KCNQ1: variants seen among roughly 807,000 people sequenced by gnomAD.
The protein encoded by KCNQ1 is potassium voltage-gated channel subfamily Q member 1.
In KCNQ1, 49 loss-of-function variants were observed where a neutral mutation model predicts 72.4. That is an observed-to-expected ratio of 0.68 (90% CI 0.54 to 0.86). The LOEUF (loss-of-function observed/expected upper bound fraction) is 0.86, where lower values mean the gene tolerates loss of function less well. KCNQ1 is among the 40% of genes least tolerant of loss of function. The pLI, the probability that KCNQ1 is intolerant of heterozygous loss-of-function variation, is 0.00. For synonymous variants in KCNQ1, 450 were observed against 412.6 expected, an observed-to-expected ratio of 1.09 and a Z score of -1.10; for missense variants, 790 against 945.1, an observed-to-expected ratio of 0.84 and a Z score of 2.15.
chr11:2,707,732 C>T (rs1850934099), intron 11 of KCNQ1, among the ~76,000 whole-genome samples: 1 of 152,218 alleles, frequency 6.6e-6, no homozygotes, highest in African/African-American at 2.4e-5. Context: ...ATAGCAAGGT[C>T]AAGGGATTGG....
rs941533630 is a variant in KCNQ1, at chr11:2,575,100, C to T, written c.921+2114C>T. Among the ~76,000 whole-genome samples, 10 of 152,312 alleles carry T rather than the reference C, an allele frequency of 6.6e-5. No homozygotes were observed. The South Asian group carries it at 1.4e-3, about 22-fold the overall frequency. On this transcript the variant is annotated intron_variant, in intron 6 of 15. Coordinates refer to ENST00000155840, the MANE Select transcript of KCNQ1 (RefSeq NM_000218.3). ...CGGCTGATAAGCAGTGCCCAGCCTT[C>T]GCTGCTGCCCTGCCTGCCTTCCCAG...
At chr11:2,790,248 G>T (rs1274946294) in intron 15 of KCNQ1, among the ~76,000 whole-genome samples, 2 of 152,144 alleles carry the variant, frequency 1.3e-5, no homozygotes, top group South Asian at 2.1e-4. Context: ...CTCTGCTGGG[G>T]TTGTCTACAC....
chr11:2,789,945 C>G (rs995092831), intron 15 of KCNQ1, among the ~76,000 whole-genome samples: 3 of 152,212 alleles, frequency 2.0e-5, no homozygotes, highest in African/African-American at 7.2e-5. Flanking sequence ...CTCAGAGGCT[C>G]CTCTCTGTGC....
rs1193411626 is a variant in KCNQ1, at chr11:2,703,889, G to C, written c.1514+41808G>C. On this transcript the variant is annotated intron_variant, in intron 11 of 15. Coordinates refer to ENST00000155840, the MANE Select transcript of KCNQ1 (RefSeq NM_000218.3). This position sits in a 1 kb window ranked among gnomAD's most constrained non-coding sequence, Gnocchi z 6.4. ...AGTTGCTGCTTCCCTCGGAAGCTGA[G>C]AGGCCCAGGGCCACGTGGCAGCCTC... is the stretch of plus-strand genomic sequence containing the variant. 6.6e-6 allele frequency among the ~76,000 whole-genome samples: 1 copy of C among 152,198 alleles called. No individual in the cohort carries two copies. The highest frequency in any genetic ancestry group is 1.5e-5 in the Non-Finnish European group (1 of 68,042).
Position 2,848,699 on chromosome 11 carries a change from G to A in KCNQ1, c.*696G>A. 1 of 450,992 alleles carries A rather than the reference G, an allele frequency of 2.2e-6. No homozygotes were observed. The highest frequency in any genetic ancestry group is 2.4e-5 in the Admixed American group (1 of 42,514). The allele number at this position is 450,992 out of a possible 1,614,324, so 27.9% of individuals were successfully genotyped here. ...ACTGCCAGCTCTTCCTAGCTGGAGA[G>A]GAGCCCTGCCTCTCCGCCCCTGAGC... On this transcript the variant is annotated 3_prime_UTR_variant, in exon 16 of 16. Coordinates refer to ENST00000155840, the MANE Select transcript of KCNQ1 (RefSeq NM_000218.3).
At chr11:2,799,745 C>T (rs1031315031) in intron 15 of KCNQ1, among the ~76,000 whole-genome samples, 8 of 152,100 alleles carry the variant, frequency 5.3e-5, no homozygotes, top group African/African-American at 1.9e-4. Flanking sequence ...TTTGATTTGC[C>T]AGGAGCAGAA....
intron 11 of KCNQ1, among the ~76,000 whole-genome samples, chr11:2,730,434 C>T (rs539339813): frequency 1.1e-3 from 162 of 152,328 alleles, no homozygotes; most frequent in Non-Finnish European, 1.9e-3. Flanking sequence ...GGCCCCACCT[C>T]CCTTGGCTTG....
rs952742228 is a variant in KCNQ1 at position 2,564,865 on chromosome 11, A to G, written c.478-5763A>G. Among the ~76,000 whole-genome samples, 21 of 152,162 alleles carry G rather than the reference A, an allele frequency of 1.4e-4. No individual in the cohort carries two copies. The highest frequency in any genetic ancestry group is 5.1e-4 in the African/African-American group (21 of 41,448). On this transcript the variant is annotated intron_variant, in intron 2 of 15. Transcript: ENST00000155840. The surrounding 1 kb of genome is among the most constrained non-coding windows in gnomAD (Gnocchi z 4.5). ...TGTCCTTGTGTAACTGGATCATTTC[A>G]CTGAGAGTAATGTCTTCAAGGTTCC...
In KCNQ1 at chr11:2,588,920, G is replaced by A. The variant is rs1364114082; in HGVS notation, c.1393+66G>A. On this transcript the variant is annotated intron_variant, in intron 10 of 15. Transcript: ENST00000155840. The surrounding 1 kb of genome is among the most constrained non-coding windows in gnomAD (Gnocchi z 5.6). ...AGGTCACTGCCTTTTTTGGGAGCCC[G>A]AGCAAGCCAGTGAGTTTCTCCCTTG... 2.0e-5 allele frequency: 31 copies of A among 1,567,064 alleles called. No individual in the cohort carries two copies. The highest frequency in any genetic ancestry group is 5.7e-5 in the South Asian group (5 of 88,242).
chr11:2,613,600 T>C lies in KCNQ1; in HGVS notation c.1393+24746T>C, dbSNP rs1849015712. The C allele has an allele frequency of 2.5e-6, 1 of 398,634 alleles. No homozygotes were observed. The highest frequency in any genetic ancestry group is 6.3e-4 in the Middle Eastern group (1 of 1,588). The allele number at this position is 398,634 out of a possible 1,614,324, so 24.7% of individuals were successfully genotyped here. On this transcript the variant is annotated intron_variant, in intron 10 of 15. Transcript: ENST00000155840. This position sits in a 1 kb window ranked among gnomAD's most constrained non-coding sequence, Gnocchi z 4.8. The stretch of plus-strand genomic sequence containing the variant: ...CTTTAATTAGCACTTTTCAATTTTA[T>C]ATTTCTTTGTCCAGTTTTATCATTG...
At chr11:2,619,189 T>C (rs7944966) in intron 10 of KCNQ1, 323,690 of 398,360 alleles carry the variant, frequency 0.81, 132,652 homozygotes, top group East Asian at 1. Flanking sequence ...TCTGTTTGGT[T>C]GTACTAGTAC....
intron 1 of KCNQ1, among the ~76,000 whole-genome samples, chr11:2,499,159 T>G (rs1217595384): frequency 6.6e-6 from 1 of 152,240 alleles, no homozygotes; most frequent in Admixed American, 6.5e-5. Flanking sequence ...CTCTTCCTAT[T>G]CTGCCATCTT....
Position 2,734,429 on chromosome 11 carries a change from C to T in KCNQ1, c.1515-34415C>T, listed in dbSNP as rs536444368. Among the ~76,000 whole-genome samples, 115 of 152,326 alleles carry T rather than the reference C, an allele frequency of 7.5e-4. No individual in the cohort carries two copies. The highest frequency in any genetic ancestry group is 1.4e-3 in the Non-Finnish European group (95 of 68,036). On this transcript the variant is annotated intron_variant, in intron 11 of 15. Transcript: ENST00000155840. This position sits in a 1 kb window ranked among gnomAD's most constrained non-coding sequence, Gnocchi z 7.0. ...CCACCGCAGGTCGGGGGAGCACTGT[C>T]CCCGGGGCCCCGCAGCCAGCTGTGC...
In KCNQ1 at chr11:2,508,644, G is replaced by A. The variant is rs928981651; in HGVS notation, c.387-19284G>A. 2.6e-5 allele frequency among the ~76,000 whole-genome samples: 4 copies of A among 152,178 alleles called. No homozygotes were observed. The highest frequency in any genetic ancestry group is 9.7e-5 in the African/African-American group (4 of 41,426). On this transcript the variant is annotated intron_variant, in intron 1 of 15. Transcript: ENST00000155840. The surrounding 1 kb of genome is among the most constrained non-coding windows in gnomAD (Gnocchi z 6.2). ...GGGCTTCTCAGAGCACAGAGGGTGTGGGTGACCCAGATATCCTGTTGTTGC... is the reference window on the plus strand; with the variant it reads ...GGGCTTCTCAGAGCACAGAGGGTGTAGGTGACCCAGATATCCTGTTGTTGC...
rs1021010769 is a variant in KCNQ1, at chr11:2,462,426, G to A, written c.386+16942G>A. 4.6e-5 allele frequency among the ~76,000 whole-genome samples: 7 copies of A among 152,190 alleles called. No individual in the cohort carries two copies. The East Asian group carries it at 9.7e-4, about 21-fold the overall frequency. On this transcript the variant is annotated intron_variant, in intron 1 of 15. Transcript: ENST00000155840. This position sits in a 1 kb window ranked among gnomAD's most constrained non-coding sequence, Gnocchi z 8.2. ...TGCCTGGGGGCTCCCGGCGAAGGCC[G>A]CTGGTTTCTAGAATGCACCATCTCT...
Position 2,645,168 on chromosome 11 carries a change from T to C in KCNQ1, c.1394-16793T>C. 1 of 398,620 alleles carries C rather than the reference T, an allele frequency of 2.5e-6. No homozygotes were observed. Among genetic ancestry groups the C allele is most frequent in the Non-Finnish European group, 4.4e-6 (1 of 226,086 alleles). The allele number at this position is 398,620 out of a possible 1,614,324, so 24.7% of individuals were successfully genotyped here. A position where few individuals can be genotyped will look rare whatever the true frequency, so the allele number is the denominator to read the frequency against. ...AATCTTCTGCCTCCCAAGGTGTCCA[T>C]GCTGGTATTGGGATGGCTGGGATAA... On this transcript the variant is annotated intron_variant, in intron 10 of 15. Transcript: ENST00000155840. The surrounding 1 kb of genome is among the most constrained non-coding windows in gnomAD (Gnocchi z 5.8).
chr11:2,686,064 G>A (rs1313463194), intron 11 of KCNQ1: 2 of 399,064 alleles, frequency 5.0e-6, no homozygotes, highest in East Asian at 3.6e-5. Context: ...CAGGGGCAGG[G>A]GAAGGACAGG....
chr11:2,710,124 A>G lies in KCNQ1; in HGVS notation c.1514+48043A>G, dbSNP rs1320439522. 6.6e-6 allele frequency among the ~76,000 whole-genome samples: 1 copy of G among 152,248 alleles called. No homozygotes were observed. Among genetic ancestry groups the G allele is most frequent in the East Asian group, 1.9e-4 (1 of 5,182 alleles). ...CCACCAGTAGTGTATGTGAGTTCCT[A>G]TCTCTCCACATTCTCACCAACACTT... On this transcript the variant is annotated intron_variant, in intron 11 of 15. Transcript: ENST00000155840. This position sits in a 1 kb window ranked among gnomAD's most constrained non-coding sequence, Gnocchi z 4.1.
chr11:2,636,971 A>G (rs1198912941), intron 10 of KCNQ1: 1 of 152,250 alleles, frequency 6.6e-6, no homozygotes, highest in South Asian at 2.1e-4. Context: ...GTTTATTTGC[A>G]TAGAGGTGTT....
Sources: gnomAD v4.1 joint callset for allele counts (sites outside exome capture counted in the v4.1 genomes callset) on GRCh38, gnomAD v4.1.1 for gene constraint, Gnocchi (gnomAD v3.1) non-coding constraint, MANE v1.5 for transcripts, NCBI Gene and HGNC (gene_info 2026-07-23, HGNC 2026-07-21) for gene names.